ZFYVE26: variants seen among roughly 807,000 people sequenced by gnomAD.
The protein encoded by ZFYVE26 is zinc finger FYVE-type containing 26.
A neutral mutation model predicts 276.5 loss-of-function variants in ZFYVE26; 181 were observed. That is an observed-to-expected ratio of 0.65 (90% CI 0.58 to 0.74). ZFYVE26 has a LOEUF of 0.74. Among genes scored for constraint, ZFYVE26 ranks in the 30% least tolerant of loss-of-function variants. The probability of loss-of-function intolerance (pLI) is 0.00; values close to 1 mark genes in which losing one functional copy is unlikely to be tolerated. For synonymous variants in ZFYVE26, 1,129 were observed against 1,203.1 expected (o/e 0.94, Z 1.27); for missense variants, 2,821 against 3,097.9 (o/e 0.91, Z 2.12).
rs756182820 is a variant in ZFYVE26, at chr14:67,793,764, T to G, written c.2402-5A>C. ...ACATGGCACTCAGACTTCCCTCTGT[T>G]GGGACACAAGAATGTGTGGGGCCAG... On this transcript the variant is annotated splice_polypyrimidine_tract_variant and splice_region_variant and intron_variant, in intron 13 of 41. Coordinates refer to ENST00000347230, the MANE Select transcript of ZFYVE26 (RefSeq NM_015346.4). 5.0e-6 allele frequency: 8 copies of G among 1,613,692 alleles called. No homozygotes were observed. Among genetic ancestry groups the G allele is most frequent in the South Asian group, 4.4e-5 (4 of 91,068 alleles).
chr14:67,742,076 G>C (rs994390036), downstream of ZFYVE26, among the ~76,000 whole-genome samples: 1 of 152,224 alleles, frequency 6.6e-6, no homozygotes, highest in African/African-American at 2.4e-5. Context: ...CAGTCTCACA[G>C]ATTGGAGCTT....
intron 12 of ZFYVE26, among the ~76,000 whole-genome samples, chr14:67,795,697 C>T (rs1239995893): frequency 6.6e-6 from 1 of 152,160 alleles, no homozygotes; most frequent in African/African-American, 2.4e-5. Context: ...AAATTTAATA[C>T]TCCTGCATAA....
intron 12 of ZFYVE26, among the ~76,000 whole-genome samples, chr14:67,795,726 T>A (rs2039938531): frequency 6.6e-6 from 1 of 152,106 alleles, no homozygotes; most frequent in Non-Finnish European, 1.5e-5. Context: ...TATTAACTTC[T>A]CTAAGAAAAG....
chr14:67,758,718 C>G (rs2038851904), intron 35 of ZFYVE26, among the ~76,000 whole-genome samples: 1 of 152,154 alleles, frequency 6.6e-6, no homozygotes, highest in Admixed American at 6.5e-5. Flanking sequence ...TCACTGCAAC[C>G]TCTGCCACGC....
chr14:67,806,145 C>T (rs1377906914), intron 6 of ZFYVE26, among the ~76,000 whole-genome samples: 1 of 152,216 alleles, frequency 6.6e-6, no homozygotes, highest in East Asian at 1.9e-4. Flanking sequence ...TATTACAGTA[C>T]ATGGCACAGA....
chr14:67,739,899 A>G (rs2038395516), intron 13 of ZFYVE26, among the ~76,000 whole-genome samples: 3 of 152,250 alleles, frequency 2.0e-5, no homozygotes, highest in Admixed American at 6.5e-5. Flanking sequence ...GAGATTAATT[A>G]TTGTAACAAA....
At chr14:67,775,255 G>A (rs1218034381) in intron 26 of ZFYVE26, 141 bp from the exon 27 acceptor site, 2 of 602,826 alleles carry the variant, frequency 3.3e-6, no homozygotes. Flanking sequence ...GAATGGAGGA[G>A]GTACCTCTAA....
intron 18 of ZFYVE26, 31 bp downstream of exon 18, chr14:67,785,827 T>C (rs775678576): frequency 6.2e-7 from 1 of 1,613,800 alleles, no homozygotes; most frequent in Non-Finnish European, 8.5e-7. Context: ...CAGTTCAGCT[T>C]TTATTTGTTC....
At chr14:67,798,643 G>A in intron 10 of ZFYVE26, 21 bp from the exon 11 acceptor site, 2 of 1,613,406 alleles carry the variant, frequency 1.2e-6, no homozygotes, top group Non-Finnish European at 1.7e-6. Context: ...ATGTACAAGA[G>A]AAGAGGCCAG....
intron 10 of ZFYVE26, among the ~76,000 whole-genome samples, chr14:67,800,191 G>A (rs1253564840): frequency 6.6e-6 from 1 of 152,164 alleles, no homozygotes; most frequent in Non-Finnish European, 1.5e-5. Context: ...GTTAAGTTCT[G>A]GGGGCTTTGT....
chr14:67,750,149 C>T (rs1392293850), intron 41 of ZFYVE26, among the ~76,000 whole-genome samples: 2 of 152,148 alleles, frequency 1.3e-5, no homozygotes, highest in East Asian at 1.9e-4. Context: ...CTCAGTCTGA[C>T]TCTAGAAAAG....
Position 67,751,621 on chromosome 14 carries a change from C to G in ZFYVE26, c.7372-525G>C, listed in dbSNP as rs557849087. On this transcript the variant is annotated intron_variant, in intron 40 of 41. Transcript: ENST00000347230. ...AGGTGCAGTGGCTCACGCCTGTAAT[C>G]CCAGCACTTTGGGAGGCCGAGGTGG... The G allele has an allele frequency of 4.2e-4, 43 of 101,302 alleles. No homozygotes were observed. In the Admixed American group the frequency reaches 4.5e-3, roughly 11 times the overall value. 6.3% of individuals were successfully genotyped at this position (101,302 alleles called of 1,614,324 possible). A position where few individuals can be genotyped will look rare whatever the true frequency, so the allele number is the denominator to read the frequency against.
chr14:67,799,465 G>C, intron 10 of ZFYVE26: 2 of 1,611,450 alleles, frequency 1.2e-6, no homozygotes, highest in Admixed American at 3.3e-5. Flanking sequence ...ATGAAGGCGT[G>C]GATAGCCTGA....
At chr14:67,731,207 C>CTTTTTT (rs71129853) in intron 13 of ZFYVE26, among the ~76,000 whole-genome samples, 21 of 90,584 alleles carry the variant, frequency 2.3e-4, no homozygotes, top group African/African-American at 3.9e-4. Context: ...TTCTTTCTTT[C>CTTTTTT]TTTTTTTTTT....
chr14:67,757,806 C>G (rs2038827314), intron 35 of ZFYVE26, among the ~76,000 whole-genome samples: 1 of 152,068 alleles, frequency 6.6e-6, no homozygotes, highest in African/African-American at 2.4e-5. Context: ...CCTCCGCCTC[C>G]TGGGTTCAAG....
intron 14 of ZFYVE26, among the ~76,000 whole-genome samples, chr14:67,792,654 G>A (rs2039843882): frequency 6.6e-6 from 1 of 152,300 alleles, no homozygotes; most frequent in East Asian, 1.9e-4. Context: ...GCTCATGCCT[G>A]TAATCCCAGC....
intron 34 of ZFYVE26, chr14:67,761,991 CCTT>C (rs1389067684): frequency 3.2e-5 from 19 of 601,754 alleles, no homozygotes; most frequent in Admixed American, 5.9e-5. Context: ...AAAATTGTCT[CCTT>C]TTTTTAAAAA....
chr14:67,740,071 C>A (rs879555324), intron 13 of ZFYVE26, among the ~76,000 whole-genome samples: 24 of 152,132 alleles, frequency 1.6e-4, no homozygotes, highest in Admixed American at 4.6e-4. Flanking sequence ...CTATTGGATC[C>A]CCTGTATCCA....
intron 23 of ZFYVE26, among the ~76,000 whole-genome samples, chr14:67,779,449 C>G (rs2039437667): frequency 6.6e-6 from 1 of 152,094 alleles, no homozygotes; most frequent in South Asian, 2.1e-4. Context: ...GTAATCCAAG[C>G]TACTTGGGAG....
Sources: allele counts gnomAD v4.1 joint callset (sites outside exome capture counted in the v4.1 genomes callset), GRCh38; gene constraint gnomAD v4.1.1; transcripts MANE v1.5; gene names NCBI Gene and HGNC (gene_info 2026-07-23, HGNC 2026-07-21).